SLC24A4: variants seen among roughly 807,000 people sequenced by gnomAD.
SLC24A4 encodes the protein sodium/potassium/calcium exchanger 4.
SLC24A4 carries 53 observed loss-of-function variants against 79.0 expected under a neutral mutation model. The observed-to-expected ratio is 0.67, with a 90% CI of 0.54 to 0.84. The LOEUF (loss-of-function observed/expected upper bound fraction) is 0.84. Among genes scored for constraint, SLC24A4 ranks in the 40% least tolerant of loss-of-function variants. The pLI is 0.00. For missense variants in SLC24A4, 731 were observed against 822.0 expected (o/e 0.89, Z 1.35); for synonymous variants, 323 against 323.8 (o/e 1.00, Z 0.03).
intron 13 of SLC24A4, 27 bp downstream of exon 13, chr14:92,482,873 T>A (rs763120859): frequency 1.3e-6 from 2 of 1,592,648 alleles, no homozygotes; most frequent in African/African-American, 2.7e-5. Context: ...GGGGGTGGAC[T>A]GTGTGCACAG....
At chr14:92,421,169 G>A (rs759122200) in intron 2 of SLC24A4, among the ~76,000 whole-genome samples, 1 of 152,134 alleles carries the variant, frequency 6.6e-6, no homozygotes, top group Non-Finnish European at 1.5e-5. Flanking sequence ...GTACAACAAC[G>A]AGAAAAACAG....
rs1002280405 is a variant in SLC24A4 at position 92,498,511 on chromosome 14, T to C, written c.*4883T>C. 1 of 152,098 alleles carries C rather than the reference T, an allele frequency of 6.6e-6. No homozygotes were observed. The highest frequency in any genetic ancestry group is 1.5e-5 in the Non-Finnish European group (1 of 68,098). The allele number at this position is 152,098 out of a possible 1,614,324, so 9.4% of individuals were successfully genotyped here. Reference sequence around the variant, plus strand: ...AGGTTTTAAAAAGGCTTTTTTTTTTTTTTTTGAGACAGGGTCTCGCTCTGT... The same window carrying C: ...AGGTTTTAAAAAGGCTTTTTTTTTTCTTTTTGAGACAGGGTCTCGCTCTGT... On this transcript the variant is annotated 3_prime_UTR_variant, in exon 17 of 17. Transcript: ENST00000532405.
chr14:92,443,872 G>A (rs1214741924), intron 7 of SLC24A4, among the ~76,000 whole-genome samples: 4 of 152,302 alleles, frequency 2.6e-5, no homozygotes, highest in African/African-American at 7.2e-5. Context: ...TGTGGCTGTG[G>A]GCAGGGCTTG....
chr14:92,419,102 G>A (rs913732003), intron 2 of SLC24A4, among the ~76,000 whole-genome samples: 2 of 152,186 alleles, frequency 1.3e-5, no homozygotes, highest in Non-Finnish European at 2.9e-5. Context: ...GATTGTAGAT[G>A]TTAACCACAT....
chr14:92,377,153 C>T (rs1177834031), intron 2 of SLC24A4, among the ~76,000 whole-genome samples: 2 of 152,220 alleles, frequency 1.3e-5, no homozygotes, highest in Non-Finnish European at 2.9e-5. Context: ...TGCCTCATGG[C>T]AGAGCTGGGT....
chr14:92,340,222 G>A (rs1886049583), intron 2 of SLC24A4, among the ~76,000 whole-genome samples: 1 of 152,210 alleles, frequency 6.6e-6, no homozygotes, highest in African/African-American at 2.4e-5. Flanking sequence ...GGTACCCGTG[G>A]GTGGGGTACT....
intron 2 of SLC24A4, among the ~76,000 whole-genome samples, chr14:92,370,174 G>A (rs1888072312): frequency 6.6e-6 from 1 of 152,044 alleles, no homozygotes; most frequent in Non-Finnish European, 1.5e-5. Flanking sequence ...TTGCAAAAGA[G>A]AGCCCATAGA....
At chr14:92,431,966 G>A in intron 2 of SLC24A4, among the ~76,000 whole-genome samples, 1 of 152,166 alleles carries the variant, frequency 6.6e-6, no homozygotes. Context: ...TAGATGCCTG[G>A]GTGCTCTGAG....
chr14:92,414,360 CAT>C (rs34583315), intron 2 of SLC24A4, among the ~76,000 whole-genome samples: 13,276 of 152,196 alleles, frequency 0.087, 593 homozygotes, highest in Middle Eastern at 0.099. Context: ...TGCTTCCCCA[CAT>C]GAGGGCTTCT....
At chr14:92,344,578 G>T (rs1886416001) in intron 2 of SLC24A4, among the ~76,000 whole-genome samples, 1 of 152,178 alleles carries the variant, frequency 6.6e-6, no homozygotes, top group Admixed American at 6.5e-5. Flanking sequence ...GCTGAGGAGT[G>T]TGCTTTGGGA....
intron 2 of SLC24A4, among the ~76,000 whole-genome samples, chr14:92,388,674 A>G (rs1404367319): frequency 6.6e-6 from 1 of 152,206 alleles, no homozygotes; most frequent in Non-Finnish European, 1.5e-5. Context: ...GTAGGAGGGA[A>G]GGGGACGTCA....
At chr14:92,410,851 A>G (rs142270747) in intron 2 of SLC24A4, among the ~76,000 whole-genome samples, 1 of 152,180 alleles carries the variant, frequency 6.6e-6, no homozygotes, top group Non-Finnish European at 1.5e-5. Context: ...GGATGTGGTG[A>G]ATTGCACATA....
In SLC24A4 at chr14:92,482,742, A is replaced by G. The variant is rs758639447; in HGVS notation, c.1318A>G (p.Thr440Ala). 1 of 1,614,138 alleles carries G rather than the reference A, an allele frequency of 6.2e-7. No individual in the cohort carries two copies. Among genetic ancestry groups the G allele is most frequent in the East Asian group, 2.2e-5 (1 of 44,872 alleles). The change falls in exon 13 of 17, where the codon ACC becomes GCC. Residue 440 changes from threonine (T) to alanine (A), a missense_variant. Thr to Ala is a moderately conservative substitution (Grantham distance 58). Transcript: ENST00000532405. ...GCCCCTCATCTTCCTCCTGTGCGTC[A>G]CCATTCCCAACTGCAGCAAGCCCCG... ...TWPLIFLLCV[T>A]IPNCSKPRWE...
At chr14:92,457,983 G>A (rs1355466147) in intron 12 of SLC24A4, among the ~76,000 whole-genome samples, 1 of 152,184 alleles carries the variant, frequency 6.6e-6, no homozygotes, top group Non-Finnish European at 1.5e-5. Context: ...TCATGCTTCC[G>A]CATGAAGATG....
At chr14:92,423,637 C>G (rs191287360) in intron 2 of SLC24A4, among the ~76,000 whole-genome samples, 46 of 152,304 alleles carry the variant, frequency 3.0e-4, no homozygotes, top group Admixed American at 2.0e-3. Context: ...CAAATGAAAA[C>G]AACCCAAAAT....
intron 2 of SLC24A4, among the ~76,000 whole-genome samples, chr14:92,373,271 T>C (rs1211466649): frequency 6.6e-6 from 1 of 152,032 alleles, no homozygotes; most frequent in African/African-American, 2.4e-5. Context: ...CTCGAACTCC[T>C]GGCCTCAAGT....
At chr14:92,468,459 C>A (rs1416753449) in intron 12 of SLC24A4, among the ~76,000 whole-genome samples, 1 of 152,140 alleles carries the variant, frequency 6.6e-6, no homozygotes, top group Non-Finnish European at 1.5e-5. Context: ...CCAAAACAGT[C>A]TTTAAAAAGA....
Position 92,442,710 on chromosome 14 carries a change from C to T in SLC24A4, c.479-3C>T, listed in dbSNP as rs977743831. The T allele has an allele frequency of 6.2e-7, 1 of 1,609,710 alleles. No homozygotes were observed. The highest frequency in any genetic ancestry group is 8.5e-7 in the Non-Finnish European group (1 of 1,176,026). Reference sequence around the variant, plus strand: ...GCCCAGGGTCTGTGTGTTTCCTTTCCAGGGGTGTTCATCACCCATGGGGAC... The same window carrying T: ...GCCCAGGGTCTGTGTGTTTCCTTTCTAGGGGTGTTCATCACCCATGGGGAC... On this transcript the variant is annotated splice_region_variant and splice_polypyrimidine_tract_variant and intron_variant, in intron 5 of 16. Coordinates refer to ENST00000532405, the MANE Select transcript of SLC24A4 (RefSeq NM_153646.4).
At position 92,497,938 on chromosome 14, in the gene SLC24A4, C is replaced by G. The variant is rs760266960; in HGVS notation, c.*4310C>G. On this transcript the variant is annotated 3_prime_UTR_variant, in exon 17 of 17. Transcript: ENST00000532405. ...GGAGATTGTACCCAAATGCCATGCT[C>G]TAAATATTCATGGTCTCTCTAATGC... The G allele has an allele frequency of 7.2e-5, 11 of 152,232 alleles. No homozygotes were observed. The highest frequency in any genetic ancestry group is 1.5e-4 in the Non-Finnish European group (10 of 68,064). The allele number at this position is 152,232 out of a possible 1,614,324, so 9.4% of individuals were successfully genotyped here.
Sources: allele counts gnomAD v4.1 joint callset (sites outside exome capture counted in the v4.1 genomes callset), GRCh38; gene constraint gnomAD v4.1.1; transcripts MANE v1.5; gene names NCBI Gene and HGNC (gene_info 2026-07-23, HGNC 2026-07-21).